DLC1: variants seen among roughly 807,000 people sequenced by gnomAD.
DLC1 encodes rho GTPase-activating protein 7.
Under a neutral mutation model 140.3 loss-of-function variants are expected in DLC1, and 54 were observed. The observed-to-expected ratio is 0.38, with a 90% CI of 0.31 to 0.48. DLC1 has a LOEUF of 0.48. Ranked by LOEUF, DLC1 falls within the 20% of genes least tolerant of loss-of-function variation. DLC1 has a pLI of 0.96. For missense variants in DLC1, 2,536 were observed against 1,907.0 expected (o/e 1.33, Z -6.14); for synonymous variants, 986 against 728.1 (o/e 1.35, Z -5.70).
At chr8:13,358,259 C>T (rs1461456985) in intron 4 of DLC1, among the ~76,000 whole-genome samples, 2 of 152,170 alleles carry the variant, frequency 1.3e-5, no homozygotes, top group African/African-American at 4.8e-5. Flanking sequence ...TAAAAATACA[C>T]ATACAAAATG....
intron 5 of DLC1, among the ~76,000 whole-genome samples, chr8:13,182,771 T>C (rs1319612623): frequency 6.6e-6 from 1 of 152,206 alleles, no homozygotes; most frequent in African/African-American, 2.4e-5. Context: ...TCCAGCTTTG[T>C]TCTTTTTGCT....
At chr8:13,450,695 A>G (rs1798998464) in intron 2 of DLC1, among the ~76,000 whole-genome samples, 2 of 152,104 alleles carry the variant, frequency 1.3e-5, no homozygotes, top group Non-Finnish European at 2.9e-5. Context: ...AAGTCTTGCA[A>G]AATTAACAGC....
chr8:13,588,006 G>T (rs142161675), intron 1 of DLC1, among the ~76,000 whole-genome samples: 4 of 151,970 alleles, frequency 2.6e-5, no homozygotes, highest in Non-Finnish European at 5.9e-5. Flanking sequence ...CAAAGTCATT[G>T]ACCTTTATTA....
At chr8:13,182,324 A>G (rs1260463216) in intron 5 of DLC1, among the ~76,000 whole-genome samples, 1 of 151,956 alleles carries the variant, frequency 6.6e-6, no homozygotes, top group Non-Finnish European at 1.5e-5. Context: ...CTTTAGTTTA[A>G]TTAGATCCCA....
chr8:13,457,707 A>G (rs1799471216), intron 2 of DLC1, among the ~76,000 whole-genome samples: 1 of 150,858 alleles, frequency 6.6e-6, no homozygotes, highest in Admixed American at 6.6e-5. Flanking sequence ...AAAAAGAAAT[A>G]AAAACAGTAC....
intron 5 of DLC1, among the ~76,000 whole-genome samples, chr8:13,160,007 A>C (rs1027836984): frequency 2.0e-5 from 3 of 152,130 alleles, no homozygotes; most frequent in African/African-American, 7.2e-5. Context: ...AAAATACAAA[A>C]ATTAGCCGGG....
At chr8:13,308,495 C>T (rs1403996731) in intron 4 of DLC1, among the ~76,000 whole-genome samples, 1 of 152,122 alleles carries the variant, frequency 6.6e-6, no homozygotes, top group African/African-American at 2.4e-5. Flanking sequence ...AAATATATTA[C>T]ATTGTTAAAT....
chr8:13,352,368 A>G (rs907781509), intron 4 of DLC1, among the ~76,000 whole-genome samples: 8 of 151,968 alleles, frequency 5.3e-5, no homozygotes, highest in African/African-American at 1.9e-4. Flanking sequence ...TTTATTTTGT[A>G]TTTTTTTACG....
chr8:13,161,554 C>G (rs114028952), intron 5 of DLC1, among the ~76,000 whole-genome samples: 2,452 of 152,260 alleles, frequency 0.016, 71 homozygotes, highest in African/African-American at 0.054. Context: ...TGCCGCTGGT[C>G]TTGAATTCTT....
intron 1 of DLC1, among the ~76,000 whole-genome samples, chr8:13,501,338 C>T (rs1801807242): frequency 6.6e-6 from 1 of 152,100 alleles, no homozygotes; most frequent in South Asian, 2.1e-4. Flanking sequence ...AGAAATAATA[C>T]CAGTGTCAAC....
chr8:13,572,822 C>A (rs1804709229), intron 1 of DLC1, among the ~76,000 whole-genome samples: 1 of 152,134 alleles, frequency 6.6e-6, no homozygotes, highest in Admixed American at 6.6e-5. Context: ...ACTCTAAATT[C>A]TGTTCCATTG....
intron 5 of DLC1, among the ~76,000 whole-genome samples, chr8:13,170,669 G>T (rs1008375043): frequency 3.4e-5 from 5 of 148,966 alleles, no homozygotes; most frequent in Admixed American, 2.0e-4. Flanking sequence ...GGCGGAGCTT[G>T]CAGTGAGCCG....
chr8:13,452,178 TTAAAA>T (rs1416530409), intron 2 of DLC1, among the ~76,000 whole-genome samples: 1 of 150,762 alleles, frequency 6.6e-6, no homozygotes, highest in African/African-American at 2.4e-5. Flanking sequence ...AATTTAATAA[TTAAAA>T]TAAATAAAAA....
intron 5 of DLC1, among the ~76,000 whole-genome samples, chr8:13,128,156 C>CT (rs1563652773): frequency 6.6e-6 from 1 of 152,190 alleles, no homozygotes; most frequent in Non-Finnish European, 1.5e-5. Context: ...TAATAGTTCA[C>CT]TTTTTGGTGC....
At chr8:13,475,603 A>G (rs764382204) in intron 2 of DLC1, among the ~76,000 whole-genome samples, 12 of 152,246 alleles carry the variant, frequency 7.9e-5, no homozygotes, top group Non-Finnish European at 1.6e-4. Flanking sequence ...CACAACGAAA[A>G]GAAAGACATA....
chr8:13,365,481 G>C lies in DLC1; in HGVS notation c.1314+28072C>G, dbSNP rs148885173. Among the ~76,000 whole-genome samples the C allele has an allele frequency of 2.2e-3, 331 of 152,202 alleles. 4 individuals carry two copies. Among genetic ancestry groups the C allele is most frequent in the African/African-American group, 7.4e-3 (309 of 41,528 alleles). On this transcript the variant is annotated intron_variant, in intron 4 of 17. Transcript: ENST00000276297. ...GACCCTGTGCCTTTATCCTACTCTA[G>C]ATGTGACCAGAGTTCAAACAGAAGA... is the stretch of plus-strand genomic sequence containing the variant.
chr8:13,428,193 G>T, intron 2 of DLC1, among the ~76,000 whole-genome samples: 1 of 151,856 alleles, frequency 6.6e-6, no homozygotes, highest in East Asian at 1.9e-4. Context: ...GGGAGGTGCA[G>T]GTACCTTCAC....
intron 2 of DLC1, among the ~76,000 whole-genome samples, chr8:13,484,540 CT>C (rs1563387654): frequency 6.6e-6 from 1 of 152,054 alleles, no homozygotes; most frequent in East Asian, 1.9e-4. Context: ...AGTAAATTGG[CT>C]TTTAAACTCC....
chr8:13,554,677 C>G (rs1414414193), intron 1 of DLC1, among the ~76,000 whole-genome samples: 1 of 152,128 alleles, frequency 6.6e-6, no homozygotes, highest in African/African-American at 2.4e-5. Flanking sequence ...GAAATATGGT[C>G]CTTTCTTACC....
Sources: allele counts gnomAD v4.1 joint callset (sites outside exome capture counted in the v4.1 genomes callset), GRCh38; gene constraint gnomAD v4.1.1; transcripts MANE v1.5; gene names NCBI Gene and HGNC (gene_info 2026-07-23, HGNC 2026-07-21).